TMEM117: variants seen among roughly 807,000 people sequenced by gnomAD.
TMEM117 encodes transmembrane protein 117.
A neutral mutation model predicts 52.4 loss-of-function variants in TMEM117; 27 were observed. The observed-to-expected ratio is 0.51, with a 90% CI of 0.38 to 0.71. The LOEUF is 0.71. Ranked by LOEUF, TMEM117 falls within the 30% of genes least tolerant of loss-of-function variation. The pLI, the probability that TMEM117 is intolerant of heterozygous loss-of-function variation, is 0.00. For synonymous variants in TMEM117, 215 were observed against 206.3 expected, an observed-to-expected ratio of 1.04 and a Z score of -0.36; for missense variants, 556 against 630.5, an observed-to-expected ratio of 0.88 and a Z score of 1.26.
In TMEM117 at chr12:43,849,269, G is replaced by A. The variant is rs905097104; in HGVS notation, c.277+4341G>A. Among the ~76,000 whole-genome samples, 3 of 152,316 alleles carry A rather than the reference G, an allele frequency of 2.0e-5. No individual in the cohort carries two copies. In the East Asian group the frequency reaches 5.8e-4, roughly 29 times the overall value. On this transcript the variant is annotated intron_variant, in intron 2 of 7. Transcript: ENST00000266534. ...ACAGTAGATACCTGTTACAAGCAAT[G>A]GCTGGATGTATTTGGATCCCATTCA...
chr12:43,907,432 G>T (rs6582489), intron 2 of TMEM117, among the ~76,000 whole-genome samples: 11 of 150,674 alleles, frequency 7.3e-5, no homozygotes, highest in African/African-American at 2.7e-4. Flanking sequence ...TCTAAAAAGC[G>T]GAGCGCCTCT....
chr12:43,941,576 T>G (rs1381765017), intron 2 of TMEM117, among the ~76,000 whole-genome samples: 2 of 152,208 alleles, frequency 1.3e-5, no homozygotes, highest in East Asian at 3.9e-4. Context: ...AACAGTAAGC[T>G]GAGGGCAGTC....
At chr12:44,273,042 T>TA (rs1345080385) in intron 5 of TMEM117, among the ~76,000 whole-genome samples, 4 of 152,078 alleles carry the variant, frequency 2.6e-5, no homozygotes, top group Non-Finnish European at 5.9e-5. Flanking sequence ...TATGCAGCCA[T>TA]AAAAAATGAT....
chr12:44,309,750 C>G (rs1279673226), intron 6 of TMEM117, among the ~76,000 whole-genome samples: 2 of 146,924 alleles, frequency 1.4e-5, no homozygotes, highest in African/African-American at 2.5e-5. Context: ...CACACAGATA[C>G]AGTCTGGATT....
chr12:43,999,680 C>T (rs575334449), intron 3 of TMEM117, among the ~76,000 whole-genome samples: 52 of 152,108 alleles, frequency 3.4e-4, no homozygotes, highest in African/African-American at 1.2e-3. Context: ...TTTGTAGAGA[C>T]GGGGTTTCAC....
intron 5 of TMEM117, among the ~76,000 whole-genome samples, chr12:44,271,649 C>T (rs1377794921): frequency 6.6e-6 from 1 of 151,904 alleles, no homozygotes; most frequent in South Asian, 2.1e-4. Context: ...TATAAAACTA[C>T]TAGAAGAAAA....
chr12:44,227,792 C>T (rs1949882297), intron 5 of TMEM117, among the ~76,000 whole-genome samples: 1 of 152,110 alleles, frequency 6.6e-6, no homozygotes, highest in Non-Finnish European at 1.5e-5. Context: ...GCATTCATGG[C>T]ACTGTAGTTG....
Position 44,388,328 on chromosome 12 carries a change from C to A in TMEM117, c.1201C>A (p.Leu401Met). ...CAAGTGTCTGGCCTTTGTTCCAAGCCTGATAGCCTTTGTGTGGTTTGGATT... is the reference window on the plus strand; with the variant it reads ...CAAGTGTCTGGCCTTTGTTCCAAGCATGATAGCCTTTGTGTGGTTTGGATT... Reference protein sequence around the residue: ...DVKCLAFVPSLIAFVWFGFFI... With the variant: ...DVKCLAFVPSMIAFVWFGFFI... The change falls in exon 8 of 8, where the codon CTG (leucine) becomes ATG (methionine). Residue 401 changes from leucine to methionine, a missense_variant. By Grantham distance (15) the Leu-to-Met change is conservative. This residue lies in a region of TMEM117 where 206 missense variants were observed against 211.1 expected (regional missense o/e 0.98). Transcript: ENST00000266534. 1.2e-6 allele frequency: 2 copies of A among 1,613,578 alleles called. No homozygotes were observed. Among genetic ancestry groups the A allele is most frequent in the Non-Finnish European group, 1.7e-6 (2 of 1,179,670 alleles).
the TMEM117 span, among the ~76,000 whole-genome samples, chr12:43,824,175 A>G: frequency 6.6e-6 from 1 of 152,228 alleles, no homozygotes; most frequent in Non-Finnish European, 1.5e-5. Flanking sequence ...AAGCATGTCT[A>G]TCGAATTCTA....
intron 5 of TMEM117, among the ~76,000 whole-genome samples, chr12:44,290,110 C>T (rs1049192947): frequency 6.6e-6 from 1 of 151,988 alleles, no homozygotes; most frequent in African/African-American, 2.4e-5. Context: ...TAATATTAAC[C>T]CCTTGTCAGA....
At chr12:44,342,981 A>G (rs1592706222) in intron 6 of TMEM117, among the ~76,000 whole-genome samples, 5 of 151,948 alleles carry the variant, frequency 3.3e-5, no homozygotes, top group African/African-American at 1.2e-4. Context: ...TCTTCAAGTG[A>G]TTCTCGTGAC....
rs558836704 is a variant in TMEM117, at chr12:44,097,780, A to G, written c.411-45745A>G. On this transcript the variant is annotated intron_variant, in intron 3 of 7. Coordinates refer to ENST00000266534, the MANE Select transcript of TMEM117 (RefSeq NM_032256.3). ...ACCTAAATGACGAGTTAATGGGTGCAATACACCAACATGGCACATGTATAC... is the reference window on the plus strand; with the variant it reads ...ACCTAAATGACGAGTTAATGGGTGCGATACACCAACATGGCACATGTATAC... Among the ~76,000 whole-genome samples, 4 of 148,950 alleles carry G rather than the reference A, an allele frequency of 2.7e-5. No individual in the cohort carries two copies. In the East Asian group the frequency reaches 7.8e-4, roughly 29 times the overall value.
chr12:43,969,296 G>C (rs1945537754), intron 3 of TMEM117, among the ~76,000 whole-genome samples: 1 of 148,238 alleles, frequency 6.7e-6, no homozygotes, highest in South Asian at 2.1e-4. Context: ...TGAGGTGGGT[G>C]GATCACGAGG....
chr12:44,046,566 A>AG (rs1195286354), intron 3 of TMEM117, among the ~76,000 whole-genome samples: 1 of 152,196 alleles, frequency 6.6e-6, no homozygotes, highest in Admixed American at 6.5e-5. Context: ...TCACTTCACC[A>AG]GGGAAAAAAA....
At chr12:44,084,430 G>A (rs1012147280) in intron 3 of TMEM117, among the ~76,000 whole-genome samples, 3 of 151,988 alleles carry the variant, frequency 2.0e-5, no homozygotes, top group Non-Finnish European at 2.9e-5. Flanking sequence ...CGATAAAAAG[G>A]TACTTAAATA....
chr12:44,308,018 T>A (rs1275927807), intron 6 of TMEM117, among the ~76,000 whole-genome samples: 1 of 152,216 alleles, frequency 6.6e-6, no homozygotes, highest in Non-Finnish European at 1.5e-5. Flanking sequence ...TGTGAGGGAT[T>A]ATCGTGAGCG....
chr12:44,323,535 G>C (rs1170571824), intron 6 of TMEM117, among the ~76,000 whole-genome samples: 1 of 151,858 alleles, frequency 6.6e-6, no homozygotes, highest in East Asian at 1.9e-4. Context: ...GAGGTTTTAG[G>C]GTTTTTTCTT....
chr12:44,014,233 T>G (rs1363098095), intron 3 of TMEM117, among the ~76,000 whole-genome samples: 1 of 152,112 alleles, frequency 6.6e-6, no homozygotes, highest in Non-Finnish European at 1.5e-5. Flanking sequence ...GTCACCCCAC[T>G]GTGGTGCAGA....
At chr12:44,222,387 A>G (rs1592618702) in intron 5 of TMEM117, among the ~76,000 whole-genome samples, 1 of 152,336 alleles carries the variant, frequency 6.6e-6, no homozygotes, top group East Asian at 1.9e-4. Flanking sequence ...GAGCTTTCTC[A>G]GTCTCCTGTG....
Sources: gnomAD v4.1 joint callset for allele counts (sites outside exome capture counted in the v4.1 genomes callset) on GRCh38, gnomAD v4.1.1 for gene constraint, gnomAD v4.1.1 regional missense constraint, MANE v1.5 for transcripts, NCBI Gene and HGNC (gene_info 2026-07-23, HGNC 2026-07-21) for gene names.